Variants in RBFOX1 observed in about 807,000 individuals in gnomAD.
RBFOX1 encodes RNA binding fox-1 homolog 1.
RBFOX1 carries 8 observed loss-of-function variants against 57.7 expected under a neutral mutation model. The observed-to-expected ratio is 0.14, with a 90% confidence interval of 0.08 to 0.25. RBFOX1 has a LOEUF of 0.25. Ranked by LOEUF, RBFOX1 falls within the 10% of genes least tolerant of loss-of-function variation. The pLI is 1.00. For missense variants in RBFOX1, 611 were observed against 548.5 expected (o/e 1.11, Z -1.14); for synonymous variants, 326 against 222.4 (o/e 1.47, Z -4.15).
intron 9 of RBFOX1, among the ~76,000 whole-genome samples, chr16:7,603,652 C>CT (rs1050869547): frequency 2.6e-4 from 40 of 151,940 alleles, no homozygotes; most frequent in African/African-American, 9.7e-4. Context: ...TACAAAGAGA[C>CT]TTTGATATAC....
At chr16:7,057,251 C>G (rs529703261) in intron 4 of RBFOX1, among the ~76,000 whole-genome samples, 2 of 152,150 alleles carry the variant, frequency 1.3e-5, no homozygotes, top group Admixed American at 6.5e-5. Flanking sequence ...ATAACTCCCT[C>G]TCAGTTAAGG....
At chr16:6,596,783 A>T (rs1272889389) in intron 2 of RBFOX1, among the ~76,000 whole-genome samples, 2 of 152,186 alleles carry the variant, frequency 1.3e-5, no homozygotes, top group African/African-American at 4.8e-5. Context: ...ATGCACAGCC[A>T]CACACAATAC....
chr16:6,355,926 G>T (rs60003947), intron 2 of RBFOX1, among the ~76,000 whole-genome samples: 1 of 152,156 alleles, frequency 6.6e-6, no homozygotes, highest in African/African-American at 2.4e-5. Flanking sequence ...AACAAAATGG[G>T]TGTAGGTCAA....
intron 3 of RBFOX1, among the ~76,000 whole-genome samples, chr16:6,679,153 A>G (rs1258209978): frequency 6.6e-6 from 1 of 152,142 alleles, no homozygotes; most frequent in Non-Finnish European, 1.5e-5. Flanking sequence ...GGAACATTGC[A>G]GTGTTCCACC....
chr16:5,283,145 G>T (rs1193979028), intron 1 of RBFOX1, among the ~76,000 whole-genome samples: 1 of 152,188 alleles, frequency 6.6e-6, no homozygotes, highest in Admixed American at 6.5e-5. Context: ...TTGAGCCTGT[G>T]GGTACAAAGA....
At chr16:5,349,777 G>A (rs931927391) in intron 1 of RBFOX1, among the ~76,000 whole-genome samples, 5 of 152,166 alleles carry the variant, frequency 3.3e-5, no homozygotes, top group African/African-American at 4.8e-5. Flanking sequence ...TGCATTTGGC[G>A]GGGACCACAG....
intron 4 of RBFOX1, among the ~76,000 whole-genome samples, chr16:7,174,766 C>T (rs192245697): frequency 1.1e-4 from 16 of 152,248 alleles, no homozygotes; most frequent in African/African-American, 3.6e-4. Context: ...GGAGACAAAG[C>T]GAGACTCAGT....
At chr16:5,570,683 T>C (rs1713925536) in intron 2 of RBFOX1, among the ~76,000 whole-genome samples, 1 of 151,934 alleles carries the variant, frequency 6.6e-6, no homozygotes. Context: ...CTACTAAAAG[T>C]ACAAAAATTA....
chr16:6,074,807 G>A (rs1255969008), intron 1 of RBFOX1, among the ~76,000 whole-genome samples: 1 of 152,138 alleles, frequency 6.6e-6, no homozygotes, highest in Non-Finnish European at 1.5e-5. Flanking sequence ...GGATTCAGAT[G>A]AGTCTGAAAT....
intron 1 of RBFOX1, among the ~76,000 whole-genome samples, chr16:6,223,474 T>A (rs1272891303): frequency 6.6e-6 from 1 of 152,214 alleles, no homozygotes; most frequent in Non-Finnish European, 1.5e-5. Flanking sequence ...TTTTTTCATG[T>A]GTCTTTTGGC....
chr16:5,914,662 C>G (rs1008742777), intron 4 of RBFOX1, among the ~76,000 whole-genome samples: 1 of 152,066 alleles, frequency 6.6e-6, no homozygotes, highest in Non-Finnish European at 1.5e-5. Context: ...TTTGGGAGGC[C>G]CAGGCGGGCG....
At chr16:5,565,776 G>T (rs1035121706) in intron 2 of RBFOX1, among the ~76,000 whole-genome samples, 1 of 152,116 alleles carries the variant, frequency 6.6e-6, no homozygotes, top group African/African-American at 2.4e-5. Context: ...CTAGTAGCCA[G>T]TCTACTTGAG....
chr16:5,858,330 C>T (rs1473199970), intron 3 of RBFOX1, among the ~76,000 whole-genome samples: 1 of 152,176 alleles, frequency 6.6e-6, no homozygotes, highest in Non-Finnish European at 1.5e-5. Context: ...TTTGCAATCT[C>T]CCCGTGTTTT....
intron 2 of RBFOX1, among the ~76,000 whole-genome samples, chr16:6,453,021 T>G (rs1173270400): frequency 1.3e-5 from 2 of 152,164 alleles, no homozygotes; most frequent in African/African-American, 4.8e-5. Flanking sequence ...TTGTCTTTCT[T>G]TAATTGTCAT....
intron 3 of RBFOX1, among the ~76,000 whole-genome samples, chr16:6,690,630 T>C (rs2060069319): frequency 6.6e-6 from 1 of 152,174 alleles, no homozygotes; most frequent in South Asian, 2.1e-4. Flanking sequence ...GGTTGATTCG[T>C]TGGCTGCTTA....
chr16:6,418,275 G>A (rs562147158), intron 2 of RBFOX1, among the ~76,000 whole-genome samples: 4 of 152,164 alleles, frequency 2.6e-5, no homozygotes, highest in Admixed American at 1.3e-4. Flanking sequence ...ATAAATCTAG[G>A]AGGTGTGTCC....
chr16:5,484,140 C>T lies in RBFOX1; in HGVS notation c.258+16886C>T, dbSNP rs565400421. On this transcript the variant is annotated intron_variant, in intron 2 of 2. Transcript: ENST00000585867. ...GAGCTGTGATCATGCCACTGCACTT[C>T]AGCCTGGGAAACAGAGCAAGATCCT... Among the ~76,000 whole-genome samples the T allele has an allele frequency of 1.3e-4, 20 of 152,334 alleles. No homozygotes were observed. In the East Asian group the frequency reaches 3.3e-3, roughly 25 times the overall value.
At chr16:5,932,765 A>T (rs1040871015) in intron 4 of RBFOX1, among the ~76,000 whole-genome samples, 3 of 152,264 alleles carry the variant, frequency 2.0e-5, no homozygotes, top group Admixed American at 1.3e-4. Flanking sequence ...TAAACGTGGG[A>T]TGCTGAAGAA....
intron 1 of RBFOX1, among the ~76,000 whole-genome samples, chr16:6,260,512 G>A (rs1216928521): frequency 1.3e-5 from 2 of 152,092 alleles, no homozygotes; most frequent in Admixed American, 1.3e-4. Context: ...CAGCCCATAG[G>A]TTTTAATTAA....
Sources: allele counts gnomAD v4.1 joint callset (sites outside exome capture counted in the v4.1 genomes callset), GRCh38; gene constraint gnomAD v4.1.1; transcripts MANE v1.5; gene names NCBI Gene and HGNC (gene_info 2026-07-23, HGNC 2026-07-21).